Variants in SOX6 observed in about 807,000 individuals in gnomAD.
The protein encoded by SOX6 is SRY-box transcription factor 6.
In SOX6, 11 loss-of-function variants were observed where a neutral mutation model predicts 97.8. The ratio of observed to expected loss-of-function variants is 0.11; its 90% confidence interval spans 0.07 to 0.19. SOX6 has a LOEUF of 0.19. Ranked by LOEUF, SOX6 falls within the 10% of genes least tolerant of loss-of-function variation. The pLI is 1.00. For missense variants in SOX6, 810 were observed against 1,039.5 expected (o/e 0.78, Z 3.04); for synonymous variants, 360 against 371.4 (o/e 0.97, Z 0.35).
intron 3 of SOX6, among the ~76,000 whole-genome samples, chr11:16,646,589 T>G (rs1590035449): frequency 6.6e-6 from 1 of 152,096 alleles, no homozygotes; most frequent in African/African-American, 2.4e-5. Context: ...GAGTATACAC[T>G]GAACCCAATT....
chr11:16,368,837 C>A (rs556434339), intron 1 of SOX6, among the ~76,000 whole-genome samples: 1 of 152,048 alleles, frequency 6.6e-6, no homozygotes, highest in Admixed American at 6.6e-5. Flanking sequence ...TATCTAATAA[C>A]GGGTGAGTAT....
At chr11:16,385,092 G>A (rs1269910985) in intron 1 of SOX6, among the ~76,000 whole-genome samples, 3 of 152,058 alleles carry the variant, frequency 2.0e-5, no homozygotes, top group East Asian at 3.9e-4. Context: ...TTCAAGTACT[G>A]TTGTTATTAT....
At chr11:16,072,736 A>G (rs998939725) in intron 9 of SOX6, among the ~76,000 whole-genome samples, 1 of 152,226 alleles carries the variant, frequency 6.6e-6, no homozygotes, top group Non-Finnish European at 1.5e-5. Context: ...CCATTAAGCT[A>G]ATAGCAAACT....
At chr11:16,724,681 C>T (rs763304017) in intron 2 of SOX6, among the ~76,000 whole-genome samples, 2 of 152,164 alleles carry the variant, frequency 1.3e-5, no homozygotes. Context: ...GGAACCATTG[C>T]TGCAAATTAA....
At chr11:16,193,918 C>T (rs932646117) in intron 4 of SOX6, among the ~76,000 whole-genome samples, 4 of 152,172 alleles carry the variant, frequency 2.6e-5, no homozygotes, top group African/African-American at 4.8e-5. Context: ...CTTTACACTG[C>T]AGCCTCCTCA....
chr11:16,209,629 C>T (rs1565021539), intron 4 of SOX6, among the ~76,000 whole-genome samples: 1 of 152,028 alleles, frequency 6.6e-6, no homozygotes, highest in Non-Finnish European at 1.5e-5. Context: ...GTGGTGAGTG[C>T]CTGTCCCCAG....
At chr11:16,520,481 G>C (rs1306239258) in intron 4 of SOX6, among the ~76,000 whole-genome samples, 2 of 152,154 alleles carry the variant, frequency 1.3e-5, no homozygotes, top group African/African-American at 4.8e-5. Flanking sequence ...ACTTCTTAAA[G>C]TAAACCTTGG....
intron 1 of SOX6, among the ~76,000 whole-genome samples, chr11:16,471,331 T>C (rs996994269): frequency 6.6e-6 from 1 of 152,172 alleles, no homozygotes; most frequent in Admixed American, 6.5e-5. Flanking sequence ...TCACAGTGTT[T>C]TCCTCTTCCG....
chr11:16,525,164 G>T (rs547990778), intron 4 of SOX6, among the ~76,000 whole-genome samples: 3 of 152,144 alleles, frequency 2.0e-5, no homozygotes, highest in East Asian at 1.9e-4. Context: ...AAAAGAGCCC[G>T]CATTGCCAAG....
At chr11:16,407,705 C>G (rs558607794) in intron 1 of SOX6, among the ~76,000 whole-genome samples, 3 of 152,178 alleles carry the variant, frequency 2.0e-5, no homozygotes, top group South Asian at 2.1e-4. Flanking sequence ...CCAAAAGGAG[C>G]CTTCACCCAT....
rs577973397 is a variant in SOX6 at position 16,391,220 on chromosome 11, T to C, written c.-4-49968A>G. On this transcript the variant is annotated intron_variant, in intron 1 of 15. Transcript: ENST00000396356. ...ACTGGCTAGGGGAGGGATAACATTA[T>C]GAGAAATACCTAATGTAGGTGACAG... Among the ~76,000 whole-genome samples the C allele has an allele frequency of 1.1e-4, 16 of 152,196 alleles. No homozygotes were observed. In the South Asian group the frequency reaches 3.3e-3, roughly 32 times the overall value.
At chr11:16,222,208 T>G (rs1346680321) in intron 4 of SOX6, among the ~76,000 whole-genome samples, 2 of 152,064 alleles carry the variant, frequency 1.3e-5, no homozygotes, top group Non-Finnish European at 2.9e-5. Flanking sequence ...ACTAATTTGT[T>G]TTTGTTTAGC....
intron 4 of SOX6, among the ~76,000 whole-genome samples, chr11:16,599,417 A>T (rs997887217): frequency 6.6e-6 from 1 of 152,222 alleles, no homozygotes; most frequent in Non-Finnish European, 1.5e-5. Context: ...TTTGTATTTC[A>T]CTATTTATCC....
rs1342828189 is a variant in SOX6 at position 16,049,754 on chromosome 11, C to T, written c.1435+1G>A. On this transcript the variant is annotated splice_donor_variant, in intron 11 of 15. Transcript: ENST00000683767. LOFTEE classifies it high-confidence loss of function. ...TTCCTGGTGTTGACTTTTCCATTTA[C>T]CTAAAGAGGATCCTCTTCCCAGGCT... is the stretch of plus-strand genomic sequence containing the variant. 1.2e-6 allele frequency: 2 copies of T among 1,613,310 alleles called. No homozygotes were observed. The highest frequency in any genetic ancestry group is 1.7e-6 in the Non-Finnish European group (2 of 1,179,766).
chr11:16,580,317 T>C (rs1262430047), intron 4 of SOX6, among the ~76,000 whole-genome samples: 2 of 152,166 alleles, frequency 1.3e-5, no homozygotes, highest in Non-Finnish European at 2.9e-5. Context: ...ATGAGCAAGA[T>C]ATGTTCTAGT....
chr11:16,349,715 AGAAGGAAG>A (rs545842880), intron 1 of SOX6, among the ~76,000 whole-genome samples: 4 of 41,760 alleles, frequency 9.6e-5, no homozygotes, highest in South Asian at 1.2e-3. Context: ...GAAGGAAGGA[AGAAGGAAG>A]GAAGGAAGGA....
At chr11:15,985,592 C>G (rs374453622) in intron 15 of SOX6, among the ~76,000 whole-genome samples, 3 of 152,182 alleles carry the variant, frequency 2.0e-5, no homozygotes, top group South Asian at 4.1e-4. Context: ...TACCAGAAAT[C>G]TATTACCTAA....
At chr11:16,201,885 G>A (rs1851951061) in intron 4 of SOX6, among the ~76,000 whole-genome samples, 2 of 150,818 alleles carry the variant, frequency 1.3e-5, no homozygotes, top group South Asian at 2.1e-4. Flanking sequence ...CGCCCGCCTC[G>A]GCCTCCCAAA....
At chr11:16,351,142 T>C (rs1039434492) in intron 1 of SOX6, among the ~76,000 whole-genome samples, 2 of 152,130 alleles carry the variant, frequency 1.3e-5, no homozygotes, top group African/African-American at 4.8e-5. Context: ...CAAGATATGC[T>C]CTGCAATTTC....
Sources: allele counts gnomAD v4.1 joint callset (sites outside exome capture counted in the v4.1 genomes callset), GRCh38; gene constraint gnomAD v4.1.1; transcripts MANE v1.5; gene names NCBI Gene and HGNC (gene_info 2026-07-23, HGNC 2026-07-21).